The following ING1 variants were observed in gnomAD, a reference collection of about 807,000 sequenced individuals.
The protein encoded by ING1 is inhibitor of growth protein 1.
Under a neutral mutation model 23.1 loss-of-function variants are expected in ING1, and 4 were observed. That is an observed-to-expected ratio of 0.17 (90% CI 0.09 to 0.40). The LOEUF is 0.40. ING1 is among the 10% of genes least tolerant of loss of function. The probability of loss-of-function intolerance (pLI) is 1.00; values close to 1 mark genes in which losing one functional copy is unlikely to be tolerated. For synonymous variants in ING1, 179 were observed against 166.4 expected, an observed-to-expected ratio of 1.08 and a Z score of -0.58; for missense variants, 256 against 393.8, an observed-to-expected ratio of 0.65 and a Z score of 2.96.
rs1336705048 is a variant in ING1, at chr13:110,721,948, G to T, written c.*2016G>T. 1 of 152,200 alleles carries T rather than the reference G, an allele frequency of 6.6e-6. No individual in the cohort carries two copies. Among genetic ancestry groups the T allele is most frequent in the African/African-American group, 2.4e-5 (1 of 41,450 alleles). The allele number at this position is 152,200 out of a possible 1,614,324, so 9.4% of individuals were successfully genotyped here. Reference sequence around the variant, plus strand: ...TGATCTGTTTCACAGTCTCTGTGAAGCTACCTACCACAAAGAAGTAGTGAG... The same window carrying T: ...TGATCTGTTTCACAGTCTCTGTGAATCTACCTACCACAAAGAAGTAGTGAG... On this transcript the variant is annotated 3_prime_UTR_variant, in exon 2 of 2. Coordinates refer to ENST00000333219, the MANE Select transcript of ING1 (RefSeq NM_198219.3).
upstream of ING1, chr13:110,713,195 T>C: frequency 7.0e-7 from 1 of 1,424,782 alleles, no homozygotes; most frequent in Non-Finnish European, 9.1e-7. Flanking sequence ...GGCAAGTAGA[T>C]TGGCTACTGC....
Position 110,714,216 on chromosome 13 carries a change from A to G in ING1, c.67A>G (p.Ile23Val), listed in dbSNP as rs752339734. The G allele has an allele frequency of 1.9e-6, 3 of 1,571,782 alleles. No individual in the cohort carries two copies. The highest frequency in any genetic ancestry group is 2.6e-6 in the Non-Finnish European group (3 of 1,161,074). The change falls in exon 1 of 2, where the codon ATC (isoleucine) becomes GTC (valine). Residue 23 changes from isoleucine (I) to valine (V), a missense_variant. Coordinates refer to ENST00000333219, the MANE Select transcript of ING1 (RefSeq NM_198219.3). ...VNYVEDYLDS[I>V]ESLPFDLQRN... is the part of the protein sequence containing the mutation. Reference sequence around the variant, plus strand: ...CTATGTGGAGGACTACCTGGACTCCATCGAGTCCCTGCCTTTCGACTTGCA... The same window carrying G: ...CTATGTGGAGGACTACCTGGACTCCGTCGAGTCCCTGCCTTTCGACTTGCA...
At position 110,719,821 on chromosome 13, in the gene ING1, C is replaced by T. The variant is rs144877032; in HGVS notation, c.729C>T (p.Leu243=). 1 of 1,613,888 alleles carries T rather than the reference C, an allele frequency of 6.2e-7. No homozygotes were observed. The highest frequency in any genetic ancestry group is 8.5e-7 in the Non-Finnish European group (1 of 1,180,004). Reference sequence around the variant, plus strand: ...GGTTCCACTTCTCGTGCGTGGGGCTCAATCATAAACCCAAGGGCAAGTGGT... The same window carrying T: ...GGTTCCACTTCTCGTGCGTGGGGCTTAATCATAAACCCAAGGGCAAGTGGT... ...IEWFHFSCVG[L]NHKPKGKWYC... The change falls in exon 2 of 2, where the codon CTC becomes CTT. Residue 243 remains leucine, a synonymous_variant. Transcript: ENST00000333219. This position sits in a 1 kb window ranked among gnomAD's most constrained non-coding sequence, Gnocchi z 8.9.
At chr13:110,715,199 C>G (rs2064099649) in intron 1 of ING1, 27 of 1,252,054 alleles carry the variant, frequency 2.2e-5, no homozygotes, top group Non-Finnish European at 2.6e-5. Flanking sequence ...TTTGGGGGCT[C>G]TGTTTTGAAT....
At chr13:110,713,612 G>T, upstream of ING1, 1 of 985,628 alleles carries the variant, frequency 1.0e-6, no homozygotes, top group Non-Finnish European at 1.2e-6. Flanking sequence ...GCGGCGGGGG[G>T]CGGGGCCGTT....
rs1303981434 is a variant in ING1 at position 110,720,704 on chromosome 13, G to A, written c.*772G>A. ...AGCTAATGTCACAATTATGTGCAAA[G>A]GTGTGCTTCCTGCTGTATGTGAGCT... On this transcript the variant is annotated 3_prime_UTR_variant, in exon 2 of 2. Transcript: ENST00000333219. 1 of 167,080 alleles carries A rather than the reference G, an allele frequency of 6.0e-6. No homozygotes were observed. The highest frequency in any genetic ancestry group is 1.5e-5 in the Non-Finnish European group (1 of 68,134). 10.3% of individuals were successfully genotyped at this position (167,080 alleles called of 1,614,324 possible).
chr13:110,718,544 A>G (rs1480905948), intron 1 of ING1, among the ~76,000 whole-genome samples: 1 of 152,234 alleles, frequency 6.6e-6, no homozygotes. Context: ...ACTGAAACTG[A>G]GGACCTAAGT....
At chr13:110,718,587 G>T (rs924999525) in intron 1 of ING1, among the ~76,000 whole-genome samples, 1 of 152,046 alleles carries the variant, frequency 6.6e-6, no homozygotes, top group Admixed American at 6.6e-5. Flanking sequence ...CTGTTAACCC[G>T]GTTCTTTAAA....
chr13:110,713,848 C>G lies in ING1; in HGVS notation c.-302C>G. On this transcript the variant is annotated 5_prime_UTR_variant, in exon 1 of 2. Coordinates refer to ENST00000333219, the MANE Select transcript of ING1 (RefSeq NM_198219.3). ...GGGCCCTCTCCCGCCGGTGTGTGCGCGCTCGTACGCGCGGCCCCCGGCGCC... is the reference window on the plus strand; with the variant it reads ...GGGCCCTCTCCCGCCGGTGTGTGCGGGCTCGTACGCGCGGCCCCCGGCGCC... 2.0e-6 allele frequency: 2 copies of G among 982,542 alleles called. No homozygotes were observed. Among genetic ancestry groups the G allele is most frequent in the Non-Finnish European group, 1.2e-6 (1 of 828,746 alleles). 60.9% of individuals were successfully genotyped at this position (982,542 alleles called of 1,614,324 possible).
intron 1 of ING1, chr13:110,715,569 G>A: frequency 6.2e-7 from 1 of 1,613,960 alleles, no homozygotes; most frequent in African/African-American, 1.3e-5. Flanking sequence ...TTTCTTTTTC[G>A]GGGAGGAGCG....
rs2064069288 is a variant in ING1, at chr13:110,713,709, A to T, written c.-441A>T. 2.0e-6 allele frequency: 2 copies of T among 985,080 alleles called. No homozygotes were observed. The highest frequency in any genetic ancestry group is 1.1e-4 in the East Asian group (1 of 8,796). 61.0% of individuals were successfully genotyped at this position (985,080 alleles called of 1,614,324 possible). On this transcript the variant is annotated 5_prime_UTR_variant, in exon 1 of 2. Coordinates refer to ENST00000333219, the MANE Select transcript of ING1 (RefSeq NM_198219.3). ...TTTGAAACTGGTATTTGGGTTTTCC[A>T]CGTTGGACAAGTGCGGCTCGGCGGC...
rs1334562233 is a variant in ING1 at position 110,722,164 on chromosome 13, T to C, written c.*2232T>C. 1 of 152,226 alleles carries C rather than the reference T, an allele frequency of 6.6e-6. No homozygotes were observed. The highest frequency in any genetic ancestry group is 2.4e-5 in the African/African-American group (1 of 41,464). 9.4% of individuals were successfully genotyped at this position (152,226 alleles called of 1,614,324 possible). ...GAAATGCAAATTGTAGTTGGTCATA[T>C]ACTAAAATTTGAACTTTTTACATAT... is the stretch of plus-strand genomic sequence containing the variant. On this transcript the variant is annotated 3_prime_UTR_variant, in exon 2 of 2. Coordinates refer to ENST00000333219, the MANE Select transcript of ING1 (RefSeq NM_198219.3).
rs2064069612 is a variant in ING1 at position 110,713,720 on chromosome 13, G to C, written c.-430G>C. 16 of 985,278 alleles carry C rather than the reference G, an allele frequency of 1.6e-5. No individual in the cohort carries two copies. Among genetic ancestry groups the C allele is most frequent in the Non-Finnish European group, 1.9e-5 (16 of 829,914 alleles). The allele number at this position is 985,278 out of a possible 1,614,324, so 61.0% of individuals were successfully genotyped here. Reference sequence around the variant, plus strand: ...TATTTGGGTTTTCCACGTTGGACAAGTGCGGCTCGGCGGCCAGCGGAGCGC... The same window carrying C: ...TATTTGGGTTTTCCACGTTGGACAACTGCGGCTCGGCGGCCAGCGGAGCGC... On this transcript the variant is annotated 5_prime_UTR_variant, in exon 1 of 2. Transcript: ENST00000333219.
In ING1 at chr13:110,714,285, G is replaced by C. The variant is rs777024709; in HGVS notation, c.136G>C (p.Glu46Gln). The change falls in exon 1 of 2, where the codon GAG (glutamate) becomes CAG (glutamine). Residue 46 changes from glutamate to glutamine, a missense_variant and splice_region_variant. Coordinates refer to ENST00000333219, the MANE Select transcript of ING1 (RefSeq NM_198219.3). ...LMREIDAKYQEILKELDECYE... is the reference protein window; with the variant it reads ...LMREIDAKYQQILKELDECYE... ...GCGGGAGATCGACGCGAAATACCAA[G>C]GTACGGCCGGGTGATGGATGGGCGG... 2 of 1,561,890 alleles carry C rather than the reference G, an allele frequency of 1.3e-6. No homozygotes were observed. Among genetic ancestry groups the C allele is most frequent in the African/African-American group, 2.8e-5 (2 of 71,042 alleles).
upstream of ING1, chr13:110,713,644 G>T (rs2064067958): frequency 1.0e-6 from 1 of 985,326 alleles, no homozygotes; most frequent in Admixed American, 6.2e-5. Flanking sequence ...GGGCCGGGGC[G>T]CATGCGCGCT....
Position 110,719,019 on chromosome 13 carries a change from T to TTTGTG in ING1, c.137-179_137-175dup, listed in dbSNP as rs56258926. Among the ~76,000 whole-genome samples the TTTGTG allele has an allele frequency of 0.64, 95,258 of 148,424 alleles. 31,529 individuals carry two copies. Among genetic ancestry groups the TTTGTG allele is most frequent in the East Asian group, 0.74 (3,672 of 4,930 alleles). On this transcript the variant is annotated intron_variant, in intron 1 of 1. Coordinates refer to ENST00000333219, the MANE Select transcript of ING1 (RefSeq NM_198219.3). This position sits in a 1 kb window ranked among gnomAD's most constrained non-coding sequence, Gnocchi z 8.9. ...TGCCGCTGTGGAAGCTGGGCCGGCA[T>TTTGTG]TTGTGTTGTGTTGTGTTGTGTTGTG...
intron 1 of ING1, among the ~76,000 whole-genome samples, chr13:110,716,322 C>G (rs1315175715): frequency 6.6e-6 from 1 of 152,192 alleles, no homozygotes; most frequent in Admixed American, 6.5e-5. Context: ...GGAAAGATCA[C>G]AGTCCTGCCC....
chr13:110,714,752 TG>T (rs978130794), intron 1 of ING1, among the ~76,000 whole-genome samples: 5 of 152,332 alleles, frequency 3.3e-5, no homozygotes, highest in Admixed American at 3.3e-4. Flanking sequence ...GCCGTTCCTC[TG>T]GCCCTTCTTC....
Position 110,713,734 on chromosome 13 carries a change from C to A in ING1, c.-416C>A. 1.0e-6 allele frequency: 1 copy of A among 985,148 alleles called. No homozygotes were observed. Among genetic ancestry groups the A allele is most frequent in the Non-Finnish European group, 1.2e-6 (1 of 829,844 alleles). 61.0% of individuals were successfully genotyped at this position (985,148 alleles called of 1,614,324 possible). A position where few individuals can be genotyped will look rare whatever the true frequency, so the allele number is the denominator to read the frequency against. ...ACGTTGGACAAGTGCGGCTCGGCGG[C>A]CAGCGGAGCGCGCCCCTTCCCGCTG... On this transcript the variant is annotated 5_prime_UTR_variant, in exon 1 of 2. Coordinates refer to ENST00000333219, the MANE Select transcript of ING1 (RefSeq NM_198219.3).
Sources: allele counts gnomAD v4.1 joint callset (sites outside exome capture counted in the v4.1 genomes callset), GRCh38; gene constraint gnomAD v4.1.1; non-coding constraint Gnocchi (gnomAD v3.1); transcripts MANE v1.5; gene names NCBI Gene and HGNC (gene_info 2026-07-23, HGNC 2026-07-21).